VGF: variants seen among roughly 807,000 people sequenced by gnomAD.
The protein encoded by VGF is VGF nerve growth factor inducible, also known as neurosecretory protein VGF.
Under a neutral mutation model 41.1 loss-of-function variants are expected in VGF, and 13 were observed. The ratio of observed to expected loss-of-function variants is 0.32; its 90% confidence interval spans 0.21 to 0.50. The LOEUF is 0.50. Among genes scored for constraint, VGF ranks in the 20% least tolerant of loss-of-function variants. The pLI, the probability that VGF is intolerant of heterozygous loss-of-function variation, is 0.98. For synonymous variants in VGF, 473 were observed against 418.3 expected (o/e 1.13, Z -1.60); for missense variants, 920 against 882.1 (o/e 1.04, Z -0.54).
Position 101,162,914 on chromosome 7 carries a change from CG to C in VGF, c.*81del. The C allele has an allele frequency of 1.4e-6, 1 of 719,220 alleles. No individual in the cohort carries two copies. The highest frequency in any genetic ancestry group is 2.0e-6 in the Non-Finnish European group (1 of 488,212). The allele number at this position is 719,220 out of a possible 1,614,324, so 44.6% of individuals were successfully genotyped here. A position where few individuals can be genotyped will look rare whatever the true frequency, so the allele number is the denominator to read the frequency against. On this transcript the variant is annotated 3_prime_UTR_variant, in exon 2 of 2. Coordinates refer to ENST00000249330, the MANE Select transcript of VGF (RefSeq NM_003378.4). This position sits in a 1 kb window ranked among gnomAD's most constrained non-coding sequence, Gnocchi z 4.2. ...GCAGGGCCGGGGCGCATGCAAACAC[CG>C]AGGGGGAGCGGGCAACACGGAGGGG...
chr7:101,162,966 GGC>G lies in VGF; in HGVS notation c.*28_*29del. On this transcript the variant is annotated 3_prime_UTR_variant, in exon 2 of 2. Coordinates refer to ENST00000249330, the MANE Select transcript of VGF (RefSeq NM_003378.4). The surrounding 1 kb of genome is among the most constrained non-coding windows in gnomAD (Gnocchi z 4.2). ...GGCGCCGGCGCGCGCGCGCGGCGGG[GGC>G]GCGCGGGGGCGGGACCGGGAAGGGC... 8.4e-7 allele frequency: 1 copy of G among 1,185,426 alleles called. No individual in the cohort carries two copies. The highest frequency in any genetic ancestry group is 1.1e-6 in the Non-Finnish European group (1 of 920,828). The allele number at this position is 1,185,426 out of a possible 1,614,324, so 73.4% of individuals were successfully genotyped here.
upstream of VGF, among the ~76,000 whole-genome samples, chr7:101,169,335 G>GAC (rs1329388054): frequency 6.6e-6 from 1 of 151,294 alleles, no homozygotes; most frequent in Non-Finnish European, 1.5e-5. Context: ...TACACACACA[G>GAC]ACACACACAC....
chr7:101,164,127 C>A lies in VGF; in HGVS notation c.717G>T (p.Gly239=), dbSNP rs1797171577. ...SQFQARMPDS[G]PLPETHKFGE... The stretch of plus-strand genomic sequence containing the variant: ...CGAACTTGTGGGTTTCGGGAAGGGG[C>A]CCGCTGTCGGGCATACGCGCCTGGA... Residue 239 remains glycine (G), a synonymous_variant, in exon 2 of 2, where the codon GGG becomes GGT. Transcript: ENST00000249330. 5 of 1,502,414 alleles carry A rather than the reference C, an allele frequency of 3.3e-6. No homozygotes were observed. In the South Asian group the frequency reaches 6.6e-5, roughly 20 times the overall value. 93.1% of individuals were successfully genotyped at this position (1,502,414 alleles called of 1,614,324 possible). A position where few individuals can be genotyped will look rare whatever the true frequency, so the allele number is the denominator to read the frequency against.
chr7:101,168,638 C>G (rs1797258507), upstream of VGF, among the ~76,000 whole-genome samples: 1 of 152,168 alleles, frequency 6.6e-6, no homozygotes, highest in African/African-American at 2.4e-5. Flanking sequence ...AATCCATCAT[C>G]TCTCTTTGTA....
Position 101,165,551 on chromosome 7 carries a change from G to A in VGF, c.-198C>T, listed in dbSNP as rs898524135. Reference sequence around the variant, plus strand: ...CGGCGCGGCTCCGGGCGGCTAGCTCGCTCCGGCTTCAGCACGCTGGACAGC... The same window carrying A: ...CGGCGCGGCTCCGGGCGGCTAGCTCACTCCGGCTTCAGCACGCTGGACAGC... On this transcript the variant is annotated 5_prime_UTR_variant, in exon 1 of 2. Coordinates refer to ENST00000249330, the MANE Select transcript of VGF (RefSeq NM_003378.4). 5.1e-6 allele frequency: 5 copies of A among 985,330 alleles called. No individual in the cohort carries two copies. Among genetic ancestry groups the A allele is most frequent in the Non-Finnish European group, 6.0e-6 (5 of 829,952 alleles). 61.0% of individuals were successfully genotyped at this position (985,330 alleles called of 1,614,324 possible). A position where few individuals can be genotyped will look rare whatever the true frequency, so the allele number is the denominator to read the frequency against.
chr7:101,163,944 C>T lies in VGF; in HGVS notation c.900G>A (p.Gly300=), dbSNP rs1584211855. ...GCCGCCCGGCCTCCACCTGCGCCAG[C>T]CCTTGCTGGAGAAGGCGCTCGCCCG... ...SEAGERLLQQ[G]LAQVEAGRRQ... The change falls in exon 2 of 2, where the codon GGG becomes GGA. Residue 300 remains glycine (G), a synonymous_variant. Coordinates refer to ENST00000249330, the MANE Select transcript of VGF (RefSeq NM_003378.4). This position sits in a 1 kb window ranked among gnomAD's most constrained non-coding sequence, Gnocchi z 5.0. 6.8e-7 allele frequency: 1 copy of T among 1,460,818 alleles called. No homozygotes were observed. The highest frequency in any genetic ancestry group is 8.9e-7 in the Non-Finnish European group (1 of 1,119,522). The allele number at this position is 1,460,818 out of a possible 1,614,324, so 90.5% of individuals were successfully genotyped here.
chr7:101,163,049 C>T lies in VGF; in HGVS notation c.1795G>A (p.Glu599Lys). The T allele has an allele frequency of 6.4e-7, 1 of 1,571,744 alleles. No individual in the cohort carries two copies. The highest frequency in any genetic ancestry group is 8.6e-7 in the Non-Finnish European group (1 of 1,163,758). Residue 599 changes from glutamate (E) to lysine (K), a missense_variant, in exon 2 of 2, where the codon GAG becomes AAG. Coordinates refer to ENST00000249330, the MANE Select transcript of VGF (RefSeq NM_003378.4). This position sits in a 1 kb window ranked among gnomAD's most constrained non-coding sequence, Gnocchi z 5.0. ...ATGTAATTCTCCAGCTCCTCCTGCTCCTGCAGCCGGCGCTCCTCCGCCTCC... is the reference window on the plus strand; with the variant it reads ...ATGTAATTCTCCAGCTCCTCCTGCTTCTGCAGCCGGCGCTCCTCCGCCTCC... ...EAEAEERRLQ[E>K]QEELENYIEH... is the part of the protein sequence containing the mutation.
At position 101,163,848 on chromosome 7, in the gene VGF, C is replaced by G; in HGVS notation, c.996G>C (p.Leu332=). The G allele has an allele frequency of 6.6e-7, 1 of 1,522,888 alleles. No individual in the cohort carries two copies. The highest frequency in any genetic ancestry group is 8.8e-7 in the Non-Finnish European group (1 of 1,141,780). 94.3% of individuals were successfully genotyped at this position (1,522,888 alleles called of 1,614,324 possible). A position where few individuals can be genotyped will look rare whatever the true frequency, so the allele number is the denominator to read the frequency against. ...CCCCGCCCTGCAGCAAATACTGGAGCAGCAGGTCCGAGGCGAGGTCGGCCA... is the reference window on the plus strand; with the variant it reads ...CCCCGCCCTGCAGCAAATACTGGAGGAGCAGGTCCGAGGCGAGGTCGGCCA... ...ERLADLASDL[L]LQYLLQGGAR... The change falls in exon 2 of 2, where the codon CTG becomes CTC. Residue 332 remains leucine (L), a synonymous_variant. Coordinates refer to ENST00000249330, the MANE Select transcript of VGF (RefSeq NM_003378.4). This position sits in a 1 kb window ranked among gnomAD's most constrained non-coding sequence, Gnocchi z 5.0.
At chr7:101,166,369 C>T (rs1797218684), upstream of VGF, among the ~76,000 whole-genome samples, 2 of 152,210 alleles carry the variant, frequency 1.3e-5, no homozygotes, top group South Asian at 4.1e-4. Flanking sequence ...TGTCCCCTGA[C>T]TGCCGCTTGT....
chr7:101,167,133 A>G (rs1797234315), upstream of VGF, among the ~76,000 whole-genome samples: 1 of 151,690 alleles, frequency 6.6e-6, no homozygotes, highest in African/African-American at 2.4e-5. This position sits in a 1 kb window ranked among gnomAD's most constrained non-coding sequence, Gnocchi z 4.2. Flanking sequence ...CCCCCTCCCT[A>G]CACACACACT....
In VGF at chr7:101,164,026, G is replaced by A. The variant is rs562202382; in HGVS notation, c.818C>T (p.Ala273Val). The change falls in exon 2 of 2, where the codon GCC becomes GTC. Residue 273 changes from alanine to valine, a missense_variant. Ala to Val is a moderately conservative substitution (Grantham distance 64). This residue lies in a region of VGF where 654 missense variants were observed against 638.4 expected (regional missense o/e 1.02). Transcript: ENST00000249330. ...CCGGCGCGCCTTGGGGAACGGGGCG[G>A]CCACGCCTTGGTACGCCTTGGACAG... ...APLSKAYQGV[A>V]APFPKARRPE... 6.7e-7 allele frequency: 1 copy of A among 1,483,340 alleles called. No individual in the cohort carries two copies. The highest frequency in any genetic ancestry group is 2.5e-5 in the Admixed American group (1 of 40,284). 91.9% of individuals were successfully genotyped at this position (1,483,340 alleles called of 1,614,324 possible).
In VGF at chr7:101,164,490, G is replaced by C. The variant is rs1332448955; in HGVS notation, c.354C>G (p.Thr118=). ...GGAGGCTGTGGGTCTGGCTGCGCAC[G>C]GTCTCGGTCAGCAGAGCTTCAGCTG... ...EEAAEALLTE[T]VRSQTHSLPA... The change falls in exon 2 of 2, where the codon ACC becomes ACG. Residue 118 remains threonine (T), a synonymous_variant. Coordinates refer to ENST00000249330, the MANE Select transcript of VGF (RefSeq NM_003378.4). 1.2e-6 allele frequency: 2 copies of C among 1,601,338 alleles called. No individual in the cohort carries two copies. Among genetic ancestry groups the C allele is most frequent in the Non-Finnish European group, 1.7e-6 (2 of 1,178,930 alleles).
rs1455377975 is a variant in VGF, at chr7:101,163,150, T to C, written c.1694A>G (p.His565Arg). 1.2e-5 allele frequency: 19 copies of C among 1,578,822 alleles called. No homozygotes were observed. The East Asian group carries it at 3.9e-4, about 32-fold the overall frequency. ...CGAAGGCGGCAAGGCGTGGTGGTAG[T>C]GGCGGCGGCGCAAGGCCGAGGGCGG... is the stretch of plus-strand genomic sequence containing the variant. Reference protein sequence around the residue: ...LQPPSALRRRHYHHALPPSRH... With the variant: ...LQPPSALRRRRYHHALPPSRH... Residue 565 changes from histidine (H) to arginine (R), a missense_variant, in exon 2 of 2, where the codon CAC becomes CGC. Coordinates refer to ENST00000249330, the MANE Select transcript of VGF (RefSeq NM_003378.4). The surrounding 1 kb of genome is among the most constrained non-coding windows in gnomAD (Gnocchi z 5.0).
chr7:101,164,514 T>C lies in VGF; in HGVS notation c.330A>G (p.Ala110=). 1 of 1,599,920 alleles carries C rather than the reference T, an allele frequency of 6.3e-7. No homozygotes were observed. The highest frequency in any genetic ancestry group is 8.5e-7 in the Non-Finnish European group (1 of 1,178,752). The change falls in exon 2 of 2, where the codon GCA becomes GCG. Residue 110 remains alanine, a synonymous_variant. Coordinates refer to ENST00000249330, the MANE Select transcript of VGF (RefSeq NM_003378.4). ...CGGTCTCGGTCAGCAGAGCTTCAGC[T>C]GCTTCTTCCTCCGGCCCCTGCTGGG... ...SGSQQGPEEE[A]AEALLTETVR...
upstream of VGF, among the ~76,000 whole-genome samples, chr7:101,167,877 A>C (rs886859359): frequency 1.3e-5 from 2 of 152,058 alleles, no homozygotes; most frequent in African/African-American, 4.8e-5. The surrounding 1 kb of genome is among the most constrained non-coding windows in gnomAD (Gnocchi z 4.2). Flanking sequence ...ATTTAATCAG[A>C]TCAAGAGTGG....
chr7:101,163,695 C>CTCA lies in VGF; in HGVS notation c.1146_1148dup (p.Asp382dup). 2 of 1,536,806 alleles carry CTCA rather than the reference C, an allele frequency of 1.3e-6. No individual in the cohort carries two copies. Among genetic ancestry groups the CTCA allele is most frequent in the Admixed American group, 3.9e-5 (2 of 50,990 alleles). On this transcript the variant is annotated inframe_insertion, in exon 2 of 2. Transcript: ENST00000249330. This position sits in a 1 kb window ranked among gnomAD's most constrained non-coding sequence, Gnocchi z 5.0. ...CCTCTGCCTCCGCCTCGGCCGCCTC[C>CTCA]TCATCCTCTTCCCCCACCCTCTCCT...
upstream of VGF, among the ~76,000 whole-genome samples, chr7:101,167,399 G>C (rs542754832): frequency 1.1e-4 from 16 of 146,134 alleles, no homozygotes; most frequent in Non-Finnish European, 2.2e-4. This position sits in a 1 kb window ranked among gnomAD's most constrained non-coding sequence, Gnocchi z 4.2. Flanking sequence ...GGGAAAAGAG[G>C]GGGTAGGAGA....
At chr7:101,165,157 A>G (rs986508120) in intron 1 of VGF, 2 of 1,081,244 alleles carry the variant, frequency 1.8e-6, no homozygotes, top group African/African-American at 3.7e-5. Flanking sequence ...ATATGGGGGA[A>G]AAAAAAATCT....
upstream of VGF, among the ~76,000 whole-genome samples, chr7:101,167,520 G>C (rs1797239876): frequency 6.6e-6 from 1 of 152,146 alleles, no homozygotes; most frequent in Non-Finnish European, 1.5e-5. This position sits in a 1 kb window ranked among gnomAD's most constrained non-coding sequence, Gnocchi z 4.2. Flanking sequence ...AGAGAGCAGT[G>C]GGATGGGGAG....
Sources: gnomAD v4.1 joint callset for allele counts (sites outside exome capture counted in the v4.1 genomes callset) on GRCh38, gnomAD v4.1.1 for gene constraint, gnomAD v4.1.1 regional missense constraint, Gnocchi (gnomAD v3.1) non-coding constraint, MANE v1.5 for transcripts, NCBI Gene and HGNC (gene_info 2026-07-23, HGNC 2026-07-21) for gene names.